PCDHGC3: variants seen among roughly 807,000 people sequenced by gnomAD.
PCDHGC3 encodes the protein protocadherin gamma-C3.
PCDHGC3 carries 26 observed loss-of-function variants against 59.2 expected under a neutral mutation model. The observed-to-expected ratio is 0.44, with a 90% CI of 0.32 to 0.61. The LOEUF (loss-of-function observed/expected upper bound fraction) is 0.61, where lower values mean the gene tolerates loss of function less well. PCDHGC3 is among the 20% of genes least tolerant of loss of function. The pLI, the probability that PCDHGC3 is intolerant of heterozygous loss-of-function variation, is 0.05. For missense variants in PCDHGC3, 1,080 were observed against 1,221.8 expected (o/e 0.88, Z 1.73); for synonymous variants, 487 against 519.7 (o/e 0.94, Z 0.86).
Position 141,511,464 on chromosome 5 carries a change from C to G in PCDHGC3, c.*291C>G. 1.9e-6 allele frequency: 1 copy of G among 538,254 alleles called. No individual in the cohort carries two copies. The highest frequency in any genetic ancestry group is 2.1e-5 in the South Asian group (1 of 47,028). The allele number at this position is 538,254 out of a possible 1,614,324, so 33.3% of individuals were successfully genotyped here. On this transcript the variant is annotated 3_prime_UTR_variant, in exon 4 of 4. Transcript: ENST00000308177. ...ACACCAAGAACCATTTGCCACACCC[C>G]GTTTAGTTACAGCTGAACTCCTCCA...
intron 2 of PCDHGC3, among the ~76,000 whole-genome samples, chr5:141,502,186 CA>C (rs1470455379): frequency 1.3e-5 from 2 of 152,148 alleles, no homozygotes; most frequent in Non-Finnish European, 2.9e-5. Context: ...AACATTAATA[CA>C]ATAATATAGA....
intron 2 of PCDHGC3, among the ~76,000 whole-genome samples, chr5:141,499,149 A>G (rs1215155217): frequency 6.6e-6 from 1 of 152,084 alleles, no homozygotes; most frequent in African/African-American, 2.4e-5. Context: ...TCTGATCCCA[A>G]TAGCTGTTGT....
chr5:141,490,423 T>C lies in PCDHGC3; in HGVS notation c.2431-4384T>C. ...CCTTGATATCTCTCCGGACCTGCCATTTCAGATTAAGCCTTCTGAGAACCA... is the reference window on the plus strand; with the variant it reads ...CCTTGATATCTCTCCGGACCTGCCACTTCAGATTAAGCCTTCTGAGAACCA... On this transcript the variant is annotated intron_variant, in intron 1 of 3. Coordinates refer to ENST00000308177, the MANE Select transcript of PCDHGC3 (RefSeq NM_002588.4). This position sits in a 1 kb window ranked among gnomAD's most constrained non-coding sequence, Gnocchi z 5.4. 6.2e-7 allele frequency: 1 copy of C among 1,614,172 alleles called. No individual in the cohort carries two copies. The highest frequency in any genetic ancestry group is 8.5e-7 in the Non-Finnish European group (1 of 1,180,028).
intron 2 of PCDHGC3, among the ~76,000 whole-genome samples, chr5:141,498,039 A>G (rs2099781185): frequency 6.6e-6 from 1 of 152,264 alleles, no homozygotes; most frequent in Non-Finnish European, 1.5e-5. Flanking sequence ...CCAAATAATT[A>G]CAAAAATAAA....
chr5:141,508,971 T>C (rs776443205), intron 3 of PCDHGC3, among the ~76,000 whole-genome samples: 14 of 152,004 alleles, frequency 9.2e-5, no homozygotes, highest in Non-Finnish European at 2.1e-4. Context: ...ATGAAAGGGC[T>C]GGGGGTGGGG....
rs1357901633 is a variant in PCDHGC3, at chr5:141,476,594, C to G, written c.478C>G (p.His160Asp). The change falls in exon 1 of 4, where the codon CAC (histidine) becomes GAC (aspartate). Residue 160 changes from histidine (H) to aspartate (D), a missense_variant. His to Asp is a moderately conservative substitution (Grantham distance 81). Transcript: ENST00000308177. This position sits in a 1 kb window ranked among gnomAD's most constrained non-coding sequence, Gnocchi z 7.6. ...PGTRFPLESA[H>D]DPDVGSNSLQ... ...GACGCGCTTTCCGCTCGAGAGCGCG[C>G]ACGATCCCGATGTGGGAAGCAACTC... The G allele has an allele frequency of 3.7e-6, 6 of 1,614,242 alleles. No homozygotes were observed. The highest frequency in any genetic ancestry group is 4.2e-6 in the Non-Finnish European group (5 of 1,180,040).
rs771804151 is a variant in PCDHGC3, at chr5:141,486,704, A to G, written c.2431-8103A>G. On this transcript the variant is annotated intron_variant, in intron 1 of 3. Coordinates refer to ENST00000308177, the MANE Select transcript of PCDHGC3 (RefSeq NM_002588.4). The surrounding 1 kb of genome is among the most constrained non-coding windows in gnomAD (Gnocchi z 5.0). ...ATCAGCTTCCTCTTTCATCTCTCTG[A>G]ACCCCCAGACAGGAGCTGTTCATGC... 2.2e-5 allele frequency: 35 copies of G among 1,614,016 alleles called. No homozygotes were observed. Among genetic ancestry groups the G allele is most frequent in the Non-Finnish European group, 2.7e-5 (32 of 1,180,032 alleles).
At position 141,486,671 on chromosome 5, in the gene PCDHGC3, C is replaced by G. The variant is rs1307620045; in HGVS notation, c.2430+8125C>G. 24 of 1,613,926 alleles carry G rather than the reference C, an allele frequency of 1.5e-5. No homozygotes were observed. The highest frequency in any genetic ancestry group is 2.7e-5 in the African/African-American group (2 of 74,932). Reference sequence around the variant, plus strand: ...CTACTCACTCCTGGAGCCCAGGAATCGAGATGTATCAGCTTCCTCTTTCAT... The same window carrying G: ...CTACTCACTCCTGGAGCCCAGGAATGGAGATGTATCAGCTTCCTCTTTCAT... On this transcript the variant is annotated intron_variant, in intron 1 of 3. Transcript: ENST00000308177. The surrounding 1 kb of genome is among the most constrained non-coding windows in gnomAD (Gnocchi z 5.0).
intron 2 of PCDHGC3, among the ~76,000 whole-genome samples, chr5:141,501,290 TACACACACACACACACACACAC>T (rs55762287): frequency 1.4e-4 from 19 of 136,248 alleles, no homozygotes; most frequent in Admixed American, 1.1e-3. Context: ...TATTCCCTTA[TACACACACACACACACACACAC>T]ACACACACAC....
chr5:141,503,417 A>T (rs1431276679), intron 2 of PCDHGC3, among the ~76,000 whole-genome samples: 2 of 151,968 alleles, frequency 1.3e-5, no homozygotes, highest in Non-Finnish European at 2.9e-5. Flanking sequence ...CAATATGGTG[A>T]AACCCCATCT....
intron 2 of PCDHGC3, among the ~76,000 whole-genome samples, chr5:141,497,962 G>A (rs2099780751): frequency 6.6e-6 from 1 of 152,236 alleles, no homozygotes; most frequent in African/African-American, 2.4e-5. Context: ...TGGCCAGGCA[G>A]TGTTCTCGAT....
At position 141,487,128 on chromosome 5, in the gene PCDHGC3, G is replaced by A; in HGVS notation, c.2431-7679G>A. The A allele has an allele frequency of 6.2e-7, 1 of 1,614,086 alleles. No individual in the cohort carries two copies. ...GTCATTGTGGTAAAGGATAGTGGTA[G>A]TCCACCACTCTCTACCTCTGTTACT... is the stretch of plus-strand genomic sequence containing the variant. On this transcript the variant is annotated intron_variant, in intron 1 of 3. Transcript: ENST00000308177. This position sits in a 1 kb window ranked among gnomAD's most constrained non-coding sequence, Gnocchi z 5.0.
rs2099388737 is a variant in PCDHGC3 at position 141,476,307 on chromosome 5, G to T, written c.191G>T (p.Arg64Leu). 1 of 1,613,606 alleles carries T rather than the reference G, an allele frequency of 6.2e-7. No individual in the cohort carries two copies. The highest frequency in any genetic ancestry group is 1.3e-5 in the African/African-American group (1 of 74,728). ...LGLDLGSLSA[R>L]RFRVVSGASR... ...TTGGATCTCGGTAGCCTCTCAGCCC[G>T]CAGGTTCCGGGTGGTGTCTGGAGCT... The change falls in exon 1 of 4, where the codon CGC becomes CTC. Residue 64 changes from arginine to leucine, a missense_variant. Physicochemically the swap from Arg to Leu is moderately radical, Grantham distance 102. Coordinates refer to ENST00000308177, the MANE Select transcript of PCDHGC3 (RefSeq NM_002588.4). The surrounding 1 kb of genome is among the most constrained non-coding windows in gnomAD (Gnocchi z 7.6).
intron 2 of PCDHGC3, among the ~76,000 whole-genome samples, chr5:141,495,690 G>A (rs1261694815): frequency 1.3e-5 from 2 of 152,172 alleles, no homozygotes; most frequent in East Asian, 3.9e-4. Context: ...TGGCATAAGT[G>A]CTCAATAAAT....
At position 141,489,651 on chromosome 5, in the gene PCDHGC3, G is replaced by A; in HGVS notation, c.2431-5156G>A. 6.2e-7 allele frequency: 1 copy of A among 1,614,186 alleles called. No individual in the cohort carries two copies. Among genetic ancestry groups the A allele is most frequent in the Non-Finnish European group, 8.5e-7 (1 of 1,180,032 alleles). ...ACTCTCCTAGCTTTGCCACCCCTGA[G>A]CGAGAGATGCGCATCTCAGAATCAG... On this transcript the variant is annotated intron_variant, in intron 1 of 3. Coordinates refer to ENST00000308177, the MANE Select transcript of PCDHGC3 (RefSeq NM_002588.4). The surrounding 1 kb of genome is among the most constrained non-coding windows in gnomAD (Gnocchi z 4.5).
intron 1 of PCDHGC3, among the ~76,000 whole-genome samples, chr5:141,482,356 G>A (rs1330274684): frequency 6.6e-6 from 1 of 152,118 alleles, no homozygotes; most frequent in Non-Finnish European, 1.5e-5. Flanking sequence ...TGTTGTGAGA[G>A]TGAAAAGTAA....
rs374229757 is a variant in PCDHGC3, at chr5:141,491,437, C to T, written c.2431-3370C>T. 4 of 1,613,978 alleles carry T rather than the reference C, an allele frequency of 2.5e-6. No homozygotes were observed. Among genetic ancestry groups the T allele is most frequent in the Admixed American group, 3.3e-5 (2 of 60,004 alleles). ...CGGGGGTGGAGGGCAGTGCTGCAGG[C>T]GCCAGGACTCACCCTCCCCGGACTT... On this transcript the variant is annotated intron_variant, in intron 1 of 3. Coordinates refer to ENST00000308177, the MANE Select transcript of PCDHGC3 (RefSeq NM_002588.4). This position sits in a 1 kb window ranked among gnomAD's most constrained non-coding sequence, Gnocchi z 6.9.
Position 141,491,722 on chromosome 5 carries a change from C to G in PCDHGC3, c.2431-3085C>G, listed in dbSNP as rs1276921909. ...CCAGGTGAGGGGCTCGGCGCCGCCC[C>G]GGGCGACCCCTGGGGGCGGCACTGG... On this transcript the variant is annotated intron_variant, in intron 1 of 3. Transcript: ENST00000308177. This position sits in a 1 kb window ranked among gnomAD's most constrained non-coding sequence, Gnocchi z 6.9. 2 of 1,607,004 alleles carry G rather than the reference C, an allele frequency of 1.2e-6. No homozygotes were observed. The highest frequency in any genetic ancestry group is 1.7e-5 in the Admixed American group (1 of 58,788).
At chr5:141,499,061 G>A (rs1300036203) in intron 2 of PCDHGC3, among the ~76,000 whole-genome samples, 1 of 151,914 alleles carries the variant, frequency 6.6e-6, no homozygotes, top group African/African-American at 2.4e-5. Flanking sequence ...AAATGAAGAA[G>A]ACTTACATTC....
Sources: gnomAD v4.1 joint callset for allele counts (sites outside exome capture counted in the v4.1 genomes callset) on GRCh38, gnomAD v4.1.1 for gene constraint, Gnocchi (gnomAD v3.1) non-coding constraint, MANE v1.5 for transcripts, NCBI Gene and HGNC (gene_info 2026-07-23, HGNC 2026-07-21) for gene names.